TSPAN7: variants seen among roughly 807,000 people sequenced by gnomAD.
TSPAN7 encodes tetraspanin 7.
Under a neutral mutation model 17.6 loss-of-function variants are expected in TSPAN7, and 1 was observed. The observed-to-expected ratio is 0.06, with a 90% CI of 0.02 to 0.27. TSPAN7 has a LOEUF of 0.27. TSPAN7 is among the 10% of genes least tolerant of loss of function. TSPAN7 has a pLI of 1.00. For missense variants in TSPAN7, 112 were observed against 201.7 expected, an observed-to-expected ratio of 0.56 and a Z score of 2.69; for synonymous variants, 78 against 79.0, an observed-to-expected ratio of 0.99 and a Z score of 0.07.
chrX:38,677,128 G>A (rs920053118), intron 5 of TSPAN7, among the ~76,000 whole-genome samples: 1 of 111,879 alleles, frequency 8.9e-6, no homozygotes, highest in African/African-American at 3.3e-5. Flanking sequence ...CCAGAAGTCA[G>A]GAGCACAGGG....
chrX:38,608,787 T>G (rs914583175), intron 1 of TSPAN7, among the ~76,000 whole-genome samples: 6 of 111,784 alleles, frequency 5.4e-5, no homozygotes, highest in Non-Finnish European at 7.5e-5. Flanking sequence ...ATACATTTTT[T>G]CAGTGATTAA....
At chrX:38,594,614 G>A (rs1303199484) in intron 1 of TSPAN7, among the ~76,000 whole-genome samples, 1 of 111,666 alleles carries the variant, frequency 9.0e-6, no homozygotes, top group East Asian at 2.8e-4. Context: ...GAAGATACAT[G>A]AATGTTTTCA....
intron 6 of TSPAN7, among the ~76,000 whole-genome samples, chrX:38,686,192 G>A (rs1181333382): frequency 1.8e-5 from 2 of 112,411 alleles, no homozygotes; most frequent in Admixed American, 1.9e-4. Flanking sequence ...GAGATAGAAC[G>A]AGTCCAATAA....
intron 1 of TSPAN7, among the ~76,000 whole-genome samples, chrX:38,596,703 A>G (rs2069320481): frequency 9.0e-6 from 1 of 111,128 alleles, no homozygotes; most frequent in Non-Finnish European, 1.9e-5. Context: ...TACATTATTC[A>G]CAAGTTCCCA....
chrX:38,596,606 G>T (rs1034885469), intron 1 of TSPAN7, among the ~76,000 whole-genome samples: 2 of 111,284 alleles, frequency 1.8e-5, no homozygotes, highest in Non-Finnish European at 3.8e-5. Flanking sequence ...CTTGCTACCC[G>T]AAGTCTGTGC....
intron 5 of TSPAN7, among the ~76,000 whole-genome samples, chrX:38,676,471 A>C (rs992984210): frequency 8.9e-6 from 1 of 112,281 alleles, no homozygotes; most frequent in Non-Finnish European, 1.9e-5. Flanking sequence ...TAGTCAGAGA[A>C]GAGGAAAATC....
At chrX:38,566,040 A>G (rs535965238) in intron 1 of TSPAN7, among the ~76,000 whole-genome samples, 1 of 112,300 alleles carries the variant, frequency 8.9e-6, no homozygotes, top group Middle Eastern at 4.6e-3. Flanking sequence ...TACTGGACTT[A>G]CATAGCAGTA....
Position 38,613,972 on chromosome X carries a change from GT to G in TSPAN7, c.82-52137del, listed in dbSNP as rs1335437449. 5.1e-3 allele frequency among the ~76,000 whole-genome samples: 507 copies of G among 100,029 alleles called. 3 individuals are homozygous for G. The highest frequency in any genetic ancestry group is 0.017 in the African/African-American group (466 of 28,024). The allele number at this position is 100,029 out of a possible 115,157, so 86.9% of individuals were successfully genotyped here. A position where few individuals can be genotyped will look rare whatever the true frequency, so the allele number is the denominator to read the frequency against. ...CAGCTTTGGTCACTGCTGGTTTGAGGTTTTTTTTTTTTCTTTTTTTTTTTCA... is the reference window on the plus strand; with the variant it reads ...CAGCTTTGGTCACTGCTGGTTTGAGGTTTTTTTTTTTCTTTTTTTTTTTCA... On this transcript the variant is annotated intron_variant, in intron 1 of 7. Coordinates refer to ENST00000378482, the MANE Select transcript of TSPAN7 (RefSeq NM_004615.4).
intron 1 of TSPAN7, among the ~76,000 whole-genome samples, chrX:38,574,685 G>A (rs1483410433): frequency 9.0e-6 from 1 of 111,186 alleles, no homozygotes; most frequent in African/African-American, 3.3e-5. Context: ...GACAGGATTT[G>A]GGGGAGGGGG....
chrX:38,623,083 G>T (rs1444159266), intron 1 of TSPAN7: 1 of 329,270 alleles, frequency 3.0e-6, no homozygotes, highest in Non-Finnish European at 5.9e-6. Context: ...TATCTGTACA[G>T]TTGAAGCTAA....
At chrX:38,613,972 GTT>G (rs1335437449) in intron 1 of TSPAN7, among the ~76,000 whole-genome samples, 12 of 100,055 alleles carry the variant, frequency 1.2e-4, no homozygotes, top group African/African-American at 4.3e-4. Context: ...CTGGTTTGAG[GTT>G]TTTTTTTTTT....
chrX:38,670,742 G>A (rs1467215682), intron 2 of TSPAN7, among the ~76,000 whole-genome samples: 2 of 112,683 alleles, frequency 1.8e-5, no homozygotes, highest in Admixed American at 9.4e-5. Context: ...TGCCTAGGCA[G>A]CAGGTTCTCA....
chrX:38,680,674 C>T (rs1461827053), intron 5 of TSPAN7, among the ~76,000 whole-genome samples: 2 of 109,720 alleles, frequency 1.8e-5, no homozygotes, highest in African/African-American at 6.6e-5. Flanking sequence ...ATAAAGTTGG[C>T]AGATATTCAA....
In TSPAN7 at chrX:38,676,507, A is replaced by G. The variant is rs529445038; in HGVS notation, c.597+647A>G. On this transcript the variant is annotated intron_variant, in intron 5 of 7. Coordinates refer to ENST00000378482, the MANE Select transcript of TSPAN7 (RefSeq NM_004615.4). ...AATTCTGCATTCCATTTTACAGAGA[A>G]TACGATGAAGACATGATATAACTGC... is the stretch of plus-strand genomic sequence containing the variant. Among the ~76,000 whole-genome samples, 4 of 112,402 alleles carry G rather than the reference A, an allele frequency of 3.6e-5. No individual in the cohort carries two copies. The South Asian group carries it at 1.5e-3, about 41-fold the overall frequency.
chrX:38,581,496 C>A (rs1299584457), intron 1 of TSPAN7, among the ~76,000 whole-genome samples: 1 of 110,931 alleles, frequency 9.0e-6, no homozygotes, highest in Non-Finnish European at 1.9e-5. Context: ...CGGGAAAGAC[C>A]CCCCCCTCAT....
At chrX:38,588,240 A>C (rs939011117) in intron 1 of TSPAN7, among the ~76,000 whole-genome samples, 1 of 111,320 alleles carries the variant, frequency 9.0e-6, no homozygotes, top group African/African-American at 3.3e-5. Flanking sequence ...AGGGTGGTCT[A>C]ACTTGATTTG....
rs1174665076 is a variant in TSPAN7 at position 38,660,820 on chromosome X, T to A, written c.82-5301T>A. 3.5e-4 allele frequency among the ~76,000 whole-genome samples: 39 copies of A among 112,152 alleles called. No homozygotes were observed. In the Admixed American group the frequency reaches 3.7e-3, roughly 11 times the overall value. ...ATAGCTTGTACCTCTGTGATTCAAT[T>A]TCTGTTGTCTTTTTTTTCTTTAATT... On this transcript the variant is annotated intron_variant, in intron 1 of 7. Coordinates refer to ENST00000378482, the MANE Select transcript of TSPAN7 (RefSeq NM_004615.4).
intron 1 of TSPAN7, among the ~76,000 whole-genome samples, chrX:38,655,806 T>G (rs1378535979): frequency 8.9e-6 from 1 of 111,926 alleles, no homozygotes; most frequent in East Asian, 2.8e-4. Flanking sequence ...AAGTATTTAT[T>G]AGGACTATGG....
chrX:38,565,311 C>T (rs1385002631), intron 1 of TSPAN7, among the ~76,000 whole-genome samples: 2 of 111,940 alleles, frequency 1.8e-5, no homozygotes, highest in Non-Finnish European at 3.8e-5. Context: ...CTCACTGCAA[C>T]CTCCGCCTCC....
Sources: allele counts gnomAD v4.1 joint callset (sites outside exome capture counted in the v4.1 genomes callset), GRCh38; gene constraint gnomAD v4.1.1; transcripts MANE v1.5; gene names NCBI Gene and HGNC (gene_info 2026-07-23, HGNC 2026-07-21).